Variants in USP21 observed in about 807,000 individuals in gnomAD.
The protein encoded by USP21 is ubiquitin specific peptidase 21.
A neutral mutation model predicts 70.8 loss-of-function variants in USP21; 37 were observed. The observed-to-expected ratio is 0.52, with a 90% CI of 0.40 to 0.69. The LOEUF is 0.69. Ranked by LOEUF, USP21 falls within the 30% of genes least tolerant of loss-of-function variation. The pLI, the probability that USP21 is intolerant of heterozygous loss-of-function variation, is 0.00. For missense variants in USP21, 584 were observed against 740.8 expected (o/e 0.79, Z 2.46); for synonymous variants, 263 against 283.1 (o/e 0.93, Z 0.71).
intron 1 of USP21, among the ~76,000 whole-genome samples, 188 bp from the exon 2 acceptor site, chr1:161,160,178 G>A (rs1394909121): frequency 6.6e-6 from 1 of 152,094 alleles, no homozygotes; most frequent in Admixed American, 6.5e-5. Context: ...TACTTTACTA[G>A]CCGGGTATGG....
chr1:161,163,186 TATAGA>T (rs1451665451), intron 7 of USP21, 112 bp downstream of exon 7: 8 of 1,313,074 alleles, frequency 6.1e-6, no homozygotes, highest in Non-Finnish European at 8.4e-6. Context: ...AACCCTTTAG[TATAGA>T]AAATAGTATG....
rs777261646 is a variant in USP21, at chr1:161,162,438, A to G, written c.781+48A>G. 57 of 1,566,634 alleles carry G rather than the reference A, an allele frequency of 3.6e-5. 1 individual carries two copies. Among genetic ancestry groups the G allele is most frequent in the Non-Finnish European group, 4.5e-5 (52 of 1,154,848 alleles). ...CTCTGTTCAAGTCCCTTTTTCCCCAACCACTTGCAGGTCCATCTGCCACTG... is the reference window on the plus strand; with the variant it reads ...CTCTGTTCAAGTCCCTTTTTCCCCAGCCACTTGCAGGTCCATCTGCCACTG... On this transcript the variant is annotated intron_variant, in intron 5 of 13. Coordinates refer to ENST00000368002, the MANE Select transcript of USP21 (RefSeq NM_001014443.3). This position sits in a 1 kb window ranked among gnomAD's most constrained non-coding sequence, Gnocchi z 4.1.
Position 161,164,161 on chromosome 1 carries a change from C to A in USP21, c.1219-3C>A. On this transcript the variant is annotated splice_region_variant and splice_polypyrimidine_tract_variant and intron_variant, in intron 9 of 13. Coordinates refer to ENST00000368002, the MANE Select transcript of USP21 (RefSeq NM_001014443.3). This position sits in a 1 kb window ranked among gnomAD's most constrained non-coding sequence, Gnocchi z 4.2. ...GTTGACCTTTCTTCCCCTTTTCCCC[C>A]AGAAAGGATTTGCTGGGGGCAAGGT... 1 of 1,613,998 alleles carries A rather than the reference C, an allele frequency of 6.2e-7. No individual in the cohort carries two copies.
rs978470909 is a variant in USP21 at position 161,164,886 on chromosome 1, G to T, written c.1436G>T (p.Gly479Val). Residue 479 changes from glycine (G) to valine (V), a missense_variant, in exon 12 of 14, where the codon GGT (glycine) becomes GTT (valine). This residue lies in a region of USP21 where 173 missense variants were observed against 268.2 expected (regional missense o/e 0.65). Transcript: ENST00000368002. The surrounding 1 kb of genome is among the most constrained non-coding windows in gnomAD (Gnocchi z 4.2). ...SRGSIKKSSV[G>V]VDFPLQRLSL... Reference sequence around the variant, plus strand: ...GGCTCCATCAAAAAAAGTTCAGTAGGTGTAGACTTTCCACTGCAGCGACTG... The same window carrying T: ...GGCTCCATCAAAAAAAGTTCAGTAGTTGTAGACTTTCCACTGCAGCGACTG... 4 of 1,614,184 alleles carry T rather than the reference G, an allele frequency of 2.5e-6. No homozygotes were observed. The highest frequency in any genetic ancestry group is 3.3e-5 in the Admixed American group (2 of 60,026).
In USP21 at chr1:161,165,599, C is replaced by A. The variant is rs958705021; in HGVS notation, c.*152C>A. ...CCATTATTTTTTTTATTAAAAAATA[C>A]CCTTCCACCTGGAGGCTCCCTTGTC... On this transcript the variant is annotated 3_prime_UTR_variant, in exon 14 of 14. Coordinates refer to ENST00000368002, the MANE Select transcript of USP21 (RefSeq NM_001014443.3). 2.0e-4 allele frequency: 123 copies of A among 601,258 alleles called. No homozygotes were observed. Among genetic ancestry groups the A allele is most frequent in the Non-Finnish European group, 3.1e-4 (107 of 342,754 alleles). 37.2% of individuals were successfully genotyped at this position (601,258 alleles called of 1,614,324 possible). A position where few individuals can be genotyped will look rare whatever the true frequency, so the allele number is the denominator to read the frequency against.
rs749934766 is a variant in USP21, at chr1:161,162,990, G to A, written c.965G>A (p.Arg322His). Residue 322 changes from arginine to histidine, a missense_variant, in exon 7 of 14, where the codon CGC becomes CAC. By Grantham distance (29) the Arg-to-His change is conservative. Transcript: ENST00000368002. This position sits in a 1 kb window ranked among gnomAD's most constrained non-coding sequence, Gnocchi z 4.1. The stretch of plus-strand genomic sequence containing the variant: ...CACCTTGAAATCAACCGCCGAGGCC[G>A]CCGGGCTCCACCGATACTTGCCAAT... ...RLHLEINRRG[R>H]RAPPILANGP... is the part of the protein sequence containing the mutation. 1.2e-5 allele frequency: 19 copies of A among 1,613,812 alleles called. No homozygotes were observed. The highest frequency in any genetic ancestry group is 1.7e-4 in the Middle Eastern group (1 of 6,056).
At chr1:161,163,640 A>G in intron 8 of USP21, 21 bp downstream of exon 8, 2 of 1,500,858 alleles carry the variant, frequency 1.3e-6, no homozygotes, top group Non-Finnish European at 1.8e-6. Context: ...GGGCAAAGCA[A>G]TGAGGGAAAA....
rs1411053781 is a variant in USP21 at position 161,161,513 on chromosome 1, T to G, written c.600+273T>G. On this transcript the variant is annotated intron_variant, in intron 3 of 13. Coordinates refer to ENST00000368002, the MANE Select transcript of USP21 (RefSeq NM_001014443.3). This position sits in a 1 kb window ranked among gnomAD's most constrained non-coding sequence, Gnocchi z 4.2. ...TTCTTTGGGTCCCCAGGCCCTTCCTTTCCCTTGCTTGCACCTTCTCTACTG... is the reference window on the plus strand; with the variant it reads ...TTCTTTGGGTCCCCAGGCCCTTCCTGTCCCTTGCTTGCACCTTCTCTACTG... The G allele has an allele frequency of 2.2e-6, 1 of 458,188 alleles. No homozygotes were observed. The allele number at this position is 458,188 out of a possible 1,614,324, so 28.4% of individuals were successfully genotyped here. A position where few individuals can be genotyped will look rare whatever the true frequency, so the allele number is the denominator to read the frequency against.
chr1:161,164,639 C>T lies in USP21; in HGVS notation c.1384+27C>T. On this transcript the variant is annotated intron_variant, in intron 11 of 13. Coordinates refer to ENST00000368002, the MANE Select transcript of USP21 (RefSeq NM_001014443.3). The surrounding 1 kb of genome is among the most constrained non-coding windows in gnomAD (Gnocchi z 4.2). ...TATCCTAATCTTCAGATTCTTACTTCTCTTAGGATACCTCCCATACATTCT... is the reference window on the plus strand; with the variant it reads ...TATCCTAATCTTCAGATTCTTACTTTTCTTAGGATACCTCCCATACATTCT... 3.7e-6 allele frequency: 6 copies of T among 1,613,874 alleles called. No individual in the cohort carries two copies. Among genetic ancestry groups the T allele is most frequent in the Non-Finnish European group, 5.1e-6 (6 of 1,179,760 alleles).
Position 161,162,174 on chromosome 1 carries a change from TGG to T in USP21, c.660+80_660+81del. On this transcript the variant is annotated intron_variant, in intron 4 of 13. Transcript: ENST00000368002. The surrounding 1 kb of genome is among the most constrained non-coding windows in gnomAD (Gnocchi z 4.1). ...TGGGGGTGGGGAAAACCCACGAGCT[TGG>T]GGAAGGCATGTGGAAGGAGAGCTCT... 6.2e-7 allele frequency: 1 copy of T among 1,613,274 alleles called. No individual in the cohort carries two copies. Among genetic ancestry groups the T allele is most frequent in the Non-Finnish European group, 8.5e-7 (1 of 1,179,308 alleles).
chr1:161,163,815 C>T, intron 8 of USP21, 63 bp from the exon 9 acceptor site: 2 of 1,510,272 alleles, frequency 1.3e-6, no homozygotes, highest in Non-Finnish European at 1.8e-6. Flanking sequence ...AGATGGAAAT[C>T]CAAGAAATCA....
Position 161,162,692 on chromosome 1 carries a change from T to C in USP21, c.859T>C (p.Phe287Leu), listed in dbSNP as rs1192180828. The stretch of plus-strand genomic sequence containing the variant: ...GAATCCTACTCGATTCCGAGCTGTC[T>C]TCCAGAAATATGTTCCCTCCTTCTC... ...AVNPTRFRAV[F>L]QKYVPSFSGY... is the part of the protein sequence containing the mutation. Residue 287 changes from phenylalanine (F) to leucine (L), a missense_variant, in exon 6 of 14, where the codon TTC becomes CTC. Transcript: ENST00000368002. This position sits in a 1 kb window ranked among gnomAD's most constrained non-coding sequence, Gnocchi z 4.1. The C allele has an allele frequency of 6.2e-7, 1 of 1,614,128 alleles. No individual in the cohort carries two copies. The highest frequency in any genetic ancestry group is 1.1e-5 in the South Asian group (1 of 91,084).
chr1:161,165,251 G>GA (rs1176379006), intron 13 of USP21, 106 bp from the exon 14 acceptor site: 13 of 1,416,160 alleles, frequency 9.2e-6, no homozygotes, highest in Middle Eastern at 1.8e-4. Flanking sequence ...AGGAGAGGTG[G>GA]AGGTCTTGCC....
At position 161,163,632 on chromosome 1, in the gene USP21, G is replaced by T. The variant is rs1286900664; in HGVS notation, c.1114+13G>T. ...AGCAAGATTGTGGGTATGGAATGGGGCAAAGCAATGAGGGAAAATTAGTGT... is the reference window on the plus strand; with the variant it reads ...AGCAAGATTGTGGGTATGGAATGGGTCAAAGCAATGAGGGAAAATTAGTGT... On this transcript the variant is annotated intron_variant, in intron 8 of 13. Coordinates refer to ENST00000368002, the MANE Select transcript of USP21 (RefSeq NM_001014443.3). 6.5e-7 allele frequency: 1 copy of T among 1,547,108 alleles called. No individual in the cohort carries two copies. Among genetic ancestry groups the T allele is most frequent in the Admixed American group, 1.7e-5 (1 of 57,704 alleles).
At chr1:161,163,495 G>C in intron 7 of USP21, 60 bp from the exon 8 acceptor site, 1 of 1,520,348 alleles carries the variant, frequency 6.6e-7, no homozygotes. Flanking sequence ...GTGGGTGTTG[G>C]GGGTGCCCAG....
chr1:161,161,028 C>A lies in USP21; in HGVS notation c.388C>A (p.Arg130Ser). ...AATGGGGATTGCCTTGGGAGGGCACCGTGGCACCGGAGAGCTTGGGGCTGC... is the reference window on the plus strand; with the variant it reads ...AATGGGGATTGCCTTGGGAGGGCACAGTGGCACCGGAGAGCTTGGGGCTGC... The part of the protein sequence containing the change: ...RPMGIALGGH[R>S]GTGELGAALS... The change falls in exon 3 of 14, where the codon CGT (arginine) becomes AGT (serine). Residue 130 changes from arginine to serine, a missense_variant. Physicochemically the swap from Arg to Ser is moderately radical, Grantham distance 110. This residue lies in a region of USP21 where 284 missense variants were observed against 281.0 expected (regional missense o/e 1.01). Coordinates refer to ENST00000368002, the MANE Select transcript of USP21 (RefSeq NM_001014443.3). This position sits in a 1 kb window ranked among gnomAD's most constrained non-coding sequence, Gnocchi z 4.2. 6.2e-7 allele frequency: 1 copy of A among 1,614,226 alleles called. No homozygotes were observed. The highest frequency in any genetic ancestry group is 1.7e-5 in the Admixed American group (1 of 60,034).
In USP21 at chr1:161,165,484, C is replaced by T. The variant is rs772263944; in HGVS notation, c.*37C>T. 5 of 1,519,208 alleles carry T rather than the reference C, an allele frequency of 3.3e-6. No individual in the cohort carries two copies. The highest frequency in any genetic ancestry group is 1.1e-5 in the South Asian group (1 of 88,622). The allele number at this position is 1,519,208 out of a possible 1,614,324, so 94.1% of individuals were successfully genotyped here. On this transcript the variant is annotated 3_prime_UTR_variant, in exon 14 of 14. Transcript: ENST00000368002. ...TCTGGCACCTGTGAAGCCCTTTAAA[C>T]ACCCTTAAGCCCCAGGCTCCCCGTT...
In USP21 at chr1:161,164,920, G is replaced by A; in HGVS notation, c.1470G>A (p.Gly490=). ...TTCCACTGCAGCGACTGAGCCTAGG[G>A]GACTTTGCCAGTGACAAAGCCGGTG... The part of the protein sequence containing the change: ...VDFPLQRLSL[G]DFASDKAGSP... Residue 490 remains glycine (G), a synonymous_variant, in exon 12 of 14, where the codon GGG becomes GGA. Coordinates refer to ENST00000368002, the MANE Select transcript of USP21 (RefSeq NM_001014443.3). This position sits in a 1 kb window ranked among gnomAD's most constrained non-coding sequence, Gnocchi z 4.2. 2 of 1,613,996 alleles carry A rather than the reference G, an allele frequency of 1.2e-6. No individual in the cohort carries two copies.
Position 161,164,311 on chromosome 1 carries a change from A to C in USP21, c.1305+61A>C. 6.6e-7 allele frequency: 1 copy of C among 1,507,798 alleles called. No homozygotes were observed. Among genetic ancestry groups the C allele is most frequent in the Non-Finnish European group, 9.2e-7 (1 of 1,083,780 alleles). 93.4% of individuals were successfully genotyped at this position (1,507,798 alleles called of 1,614,324 possible). Reference sequence around the variant, plus strand: ...GGAGACCTGGGGGGACTCCATGTGGATAAAAGGGATTGCATGATGTCTTCA... The same window carrying C: ...GGAGACCTGGGGGGACTCCATGTGGCTAAAAGGGATTGCATGATGTCTTCA... On this transcript the variant is annotated intron_variant, in intron 10 of 13. Coordinates refer to ENST00000368002, the MANE Select transcript of USP21 (RefSeq NM_001014443.3). This position sits in a 1 kb window ranked among gnomAD's most constrained non-coding sequence, Gnocchi z 4.2.
Sources: allele counts gnomAD v4.1 joint callset (sites outside exome capture counted in the v4.1 genomes callset), GRCh38; gene constraint gnomAD v4.1.1; regional missense constraint gnomAD v4.1.1; non-coding constraint Gnocchi (gnomAD v3.1); transcripts MANE v1.5; gene names NCBI Gene and HGNC (gene_info 2026-07-23, HGNC 2026-07-21).